The following NOX5 variants were observed in gnomAD, a reference collection of about 807,000 sequenced individuals.
The protein encoded by NOX5 is NADPH oxidase 5, also known as NADPH oxidase, EF-hand calcium binding domain 5.
NOX5 carries 76 observed loss-of-function variants against 85.7 expected under a neutral mutation model. The ratio of observed to expected loss-of-function variants is 0.89; its 90% CI spans 0.74 to 1.07. The LOEUF (loss-of-function observed/expected upper bound fraction) is 1.07. Ranked by LOEUF, NOX5 falls within the 50% of genes least tolerant of loss-of-function variation. NOX5 has a pLI of 0.00. For synonymous variants in NOX5, 405 were observed against 401.4 expected, an observed-to-expected ratio of 1.01 and a Z score of -0.11; for missense variants, 973 against 999.5, an observed-to-expected ratio of 0.97 and a Z score of 0.36.
chr15:69,033,312 T>G (rs34460906), intron 5 of NOX5, 35 bp downstream of exon 5: 1 of 1,580,110 alleles, frequency 6.3e-7, no homozygotes. Flanking sequence ...TCTGAAAATG[T>G]TAATTAGGAG....
chr15:69,024,501 C>T (rs765353919), intron 1 of NOX5, among the ~76,000 whole-genome samples: 18 of 152,182 alleles, frequency 1.2e-4, no homozygotes, highest in Non-Finnish European at 2.2e-4. Context: ...GTCACTTAGT[C>T]GCTGTCTCGG....
chr15:69,014,813 A>T (rs1220153864), intron 1 of NOX5, 28 bp downstream of exon 1: 1 of 1,471,772 alleles, frequency 6.8e-7, no homozygotes. Context: ...CCAGCTTTCC[A>T]TGCCAGGGAC....
chr15:69,017,775 T>C lies in NOX5; in HGVS notation c.50+2990T>C, dbSNP rs185800599. Among the ~76,000 whole-genome samples, 961 of 146,884 alleles carry C rather than the reference T, an allele frequency of 6.5e-3. 11 individuals are homozygous for C. Among genetic ancestry groups the C allele is most frequent in the African/African-American group, 0.022 (876 of 40,216 alleles). ...TTTGACTCTTTGTTGATATATTTTA[T>C]ACACACACACACACACACACACACA... On this transcript the variant is annotated intron_variant, in intron 1 of 15. Coordinates refer to ENST00000388866, the MANE Select transcript of NOX5 (RefSeq NM_024505.4).
chr15:69,035,030 T>C (rs552601021), intron 5 of NOX5, among the ~76,000 whole-genome samples: 1 of 152,282 alleles, frequency 6.6e-6, no homozygotes, highest in African/African-American at 2.4e-5. Context: ...CCTTCCAAAG[T>C]GCTGAGATTA....
At chr15:69,052,826 C>T (rs1048832045) in intron 14 of NOX5, among the ~76,000 whole-genome samples, 64 of 152,280 alleles carry the variant, frequency 4.2e-4, no homozygotes, top group African/African-American at 1.5e-3. Context: ...ATAACATTGA[C>T]TTCATTTTTC....
chr15:69,055,322 C>T lies in NOX5; in HGVS notation c.2000-12C>T. ...TAGACCCTCAGTGCAGCCCTTGTCC[C>T]CTGCCCAACAGGCCGCTTCCTGGAG... is the stretch of plus-strand genomic sequence containing the variant. On this transcript the variant is annotated splice_polypyrimidine_tract_variant and intron_variant, in intron 14 of 15. Transcript: ENST00000388866. The T allele has an allele frequency of 6.2e-7, 1 of 1,613,378 alleles. No homozygotes were observed. Among genetic ancestry groups the T allele is most frequent in the Middle Eastern group, 1.7e-4 (1 of 6,054 alleles).
intron 3 of NOX5, 33 bp downstream of exon 3, chr15:69,028,398 G>C (rs2050387326): frequency 1.9e-6 from 3 of 1,545,464 alleles, no homozygotes; most frequent in Admixed American, 1.9e-5. Flanking sequence ...GGCTGGGGTG[G>C]GGAGATCAGT....
At chr15:69,027,716 A>G (rs901685111) in intron 2 of NOX5, among the ~76,000 whole-genome samples, 1 of 152,166 alleles carries the variant, frequency 6.6e-6, no homozygotes, top group Non-Finnish European at 1.5e-5. Context: ...AACAAGCCTT[A>G]AGTATAAAAT....
chr15:69,047,621 C>T lies in NOX5; in HGVS notation c.1817+84C>T, dbSNP rs946065158. The T allele has an allele frequency of 5.1e-5, 76 of 1,498,286 alleles. No individual in the cohort carries two copies. In the South Asian group the frequency reaches 9.1e-4, roughly 18 times the overall value. The allele number at this position is 1,498,286 out of a possible 1,614,324, so 92.8% of individuals were successfully genotyped here. ...TGCTCCTCCTCCCTTTATTCCTTCT[C>T]CTTCCTCTCCTTTCACCTGTCTCTC... On this transcript the variant is annotated intron_variant, in intron 12 of 15. Transcript: ENST00000388866.
At chr15:69,036,439 G>A (rs2050517432) in intron 7 of NOX5, among the ~76,000 whole-genome samples, 1 of 152,188 alleles carries the variant, frequency 6.6e-6, no homozygotes, top group Non-Finnish European at 1.5e-5. Flanking sequence ...GCCTCCTCAA[G>A]ATGCAGAAAG....
intron 14 of NOX5, among the ~76,000 whole-genome samples, chr15:69,052,755 A>T (rs2050764909): frequency 6.6e-6 from 1 of 152,254 alleles, no homozygotes; most frequent in African/African-American, 2.4e-5. Flanking sequence ...CTTCAAGCTT[A>T]GACTAGTTCA....
At chr15:69,026,113 C>T (rs995449772) in intron 1 of NOX5, among the ~76,000 whole-genome samples, 13 of 152,186 alleles carry the variant, frequency 8.5e-5, no homozygotes, top group Non-Finnish European at 1.8e-4. Context: ...ACCAGGCTGT[C>T]AGAGAGACCA....
Position 69,035,350 on chromosome 15 carries a change from C to A in NOX5, c.856-4C>A. ...CAGGGCTCTCTCCCACTCTGCCTGG[C>A]CAGGTGCTGATGCTCAGACGCTGCC... On this transcript the variant is annotated splice_region_variant and splice_polypyrimidine_tract_variant and intron_variant, in intron 5 of 15. Transcript: ENST00000388866. 1 of 1,613,340 alleles carries A rather than the reference C, an allele frequency of 6.2e-7. No individual in the cohort carries two copies.
chr15:69,033,032 C>T lies in NOX5; in HGVS notation c.621-11C>T. ...CCGCTCGCCTCTGAGCGGAACCCGC[C>T]TCTCTCGCAGCGCTGCCCACTGGCT... is the stretch of plus-strand genomic sequence containing the variant. On this transcript the variant is annotated splice_polypyrimidine_tract_variant and intron_variant, in intron 4 of 15. Transcript: ENST00000388866. The T allele has an allele frequency of 6.5e-7, 1 of 1,549,892 alleles. No homozygotes were observed. The highest frequency in any genetic ancestry group is 1.2e-5 in the South Asian group (1 of 84,722).
intron 13 of NOX5, among the ~76,000 whole-genome samples, chr15:69,048,159 C>A (rs968780851): frequency 5.3e-5 from 8 of 152,236 alleles, no homozygotes; most frequent in African/African-American, 1.9e-4. Context: ...TTAAATGTTG[C>A]AAAGCTTGAC....
intron 9 of NOX5, 126 bp from the exon 10 acceptor site, chr15:69,042,537 G>A: frequency 1.0e-6 from 1 of 984,364 alleles, no homozygotes; most frequent in Non-Finnish European, 1.5e-6. Context: ...TGGTCCTGAG[G>A]AAGGACATTC....
At chr15:69,043,549 A>C (rs531226111) in intron 10 of NOX5, 1 of 152,380 alleles carries the variant, frequency 6.6e-6, no homozygotes, top group East Asian at 1.9e-4. Context: ...CAGAGTTGAA[A>C]TCCAGGTGAG....
At chr15:69,020,002 C>T (rs1479966831) in intron 1 of NOX5, among the ~76,000 whole-genome samples, 1 of 152,186 alleles carries the variant, frequency 6.6e-6, no homozygotes, top group Non-Finnish European at 1.5e-5. Context: ...GTTTATCAAC[C>T]AATATAAGTT....
At chr15:69,055,263 G>A in intron 14 of NOX5, 71 bp from the exon 15 acceptor site, 3 of 1,516,580 alleles carry the variant, frequency 2.0e-6, no homozygotes, top group Admixed American at 1.8e-5. Flanking sequence ...GTAAGGTAGT[G>A]GTTGGCATCC....
Sources: gnomAD v4.1 joint callset for allele counts (sites outside exome capture counted in the v4.1 genomes callset) on GRCh38, gnomAD v4.1.1 for gene constraint, MANE v1.5 for transcripts, NCBI Gene and HGNC (gene_info 2026-07-23, HGNC 2026-07-21) for gene names.